Variants in CLEC16A observed in about 807,000 individuals in gnomAD.
CLEC16A encodes C-type lectin domain containing 16A, also known as protein CLEC16A.
CLEC16A carries 51 observed loss-of-function variants against 109.5 expected under a neutral mutation model. That is an observed-to-expected ratio of 0.47 (90% CI 0.37 to 0.59). CLEC16A has a LOEUF of 0.59. Ranked by LOEUF, CLEC16A falls within the 20% of genes least tolerant of loss-of-function variation. The probability of loss-of-function intolerance (pLI) is 0.00; values close to 1 mark genes in which losing one functional copy is unlikely to be tolerated. For missense variants in CLEC16A, 1,339 were observed against 1,394.0 expected (o/e 0.96, Z 0.63); for synonymous variants, 673 against 564.2 (o/e 1.19, Z -2.73).
chr16:11,128,304 T>A (rs574015181), intron 22 of CLEC16A, among the ~76,000 whole-genome samples: 8 of 152,396 alleles, frequency 5.2e-5, no homozygotes, highest in African/African-American at 1.9e-4. Context: ...TCTTCTACCC[T>A]GCCTGGCCTT....
At chr16:10,989,695 G>A (rs2043884211) in intron 10 of CLEC16A, among the ~76,000 whole-genome samples, 1 of 152,186 alleles carries the variant, frequency 6.6e-6, no homozygotes, top group Non-Finnish European at 1.5e-5. Flanking sequence ...ATGGTTTCCA[G>A]ATGAATCTCT....
intron 22 of CLEC16A, among the ~76,000 whole-genome samples, chr16:11,164,683 C>G (rs547156779): frequency 1.8e-4 from 27 of 152,350 alleles, no homozygotes; most frequent in Admixed American, 8.5e-4. Context: ...ATGGCAACTG[C>G]TCAACTCTGC....
At chr16:11,172,475 C>G (rs1334800915) in intron 23 of CLEC16A, among the ~76,000 whole-genome samples, 1 of 152,190 alleles carries the variant, frequency 6.6e-6, no homozygotes, top group Non-Finnish European at 1.5e-5. Context: ...AGTGAACTAC[C>G]TTGGGGAAGA....
intron 18 of CLEC16A, among the ~76,000 whole-genome samples, chr16:11,054,949 T>A (rs573842736): frequency 8.2e-6 from 1 of 122,246 alleles, no homozygotes; most frequent in South Asian, 2.6e-4. Flanking sequence ...TTTTTTTTTT[T>A]CCACCAAGTA....
chr16:11,089,511 G>C (rs2050189125), intron 19 of CLEC16A, among the ~76,000 whole-genome samples: 1 of 152,146 alleles, frequency 6.6e-6, no homozygotes, highest in African/African-American at 2.4e-5. Flanking sequence ...TGCTCAAATT[G>C]CCCTCCATAA....
chr16:10,985,218 A>ATATATATATAT (rs58768192), intron 10 of CLEC16A, among the ~76,000 whole-genome samples: 40 of 124,204 alleles, frequency 3.2e-4, no homozygotes, highest in East Asian at 2.9e-3. Context: ...AAAAAAAAAA[A>ATATATATATAT]AAATATATAT....
intron 22 of CLEC16A, among the ~76,000 whole-genome samples, chr16:11,153,173 C>T (rs562515898): frequency 8.6e-4 from 131 of 152,228 alleles, no homozygotes; most frequent in Non-Finnish European, 1.6e-3. Flanking sequence ...TACTGCCCTC[C>T]GCCTGCTTCC....
intron 22 of CLEC16A, among the ~76,000 whole-genome samples, chr16:11,162,778 C>T (rs1276677135): frequency 6.6e-6 from 1 of 152,206 alleles, no homozygotes; most frequent in African/African-American, 2.4e-5. Context: ...AGTTCTTGGA[C>T]TTATCAGCTG....
intron 19 of CLEC16A, among the ~76,000 whole-genome samples, chr16:11,070,095 G>A (rs1248947177): frequency 6.6e-6 from 1 of 150,774 alleles, no homozygotes; most frequent in Non-Finnish European, 1.5e-5. Flanking sequence ...TTTTGAGACG[G>A]AGTCTCACCC....
intron 13 of CLEC16A, among the ~76,000 whole-genome samples, chr16:11,035,054 G>T (rs1241719854): frequency 2.0e-5 from 3 of 152,142 alleles, no homozygotes; most frequent in African/African-American, 7.2e-5. Flanking sequence ...GTTGTTTCAG[G>T]CAGGAGGCTT....
chr16:11,129,762 C>CT (rs34035128), intron 22 of CLEC16A, among the ~76,000 whole-genome samples: 5,452 of 125,502 alleles, frequency 0.043, 388 homozygotes, highest in African/African-American at 0.16. Flanking sequence ...GGCCTGGTTC[C>CT]TTTTTTTTTT....
intron 10 of CLEC16A, among the ~76,000 whole-genome samples, chr16:11,002,542 G>T (rs1475347371): frequency 1.3e-5 from 2 of 152,132 alleles, no homozygotes; most frequent in African/African-American, 4.8e-5. Context: ...TGGCAGTGTT[G>T]CCACATTGAT....
intron 9 of CLEC16A, among the ~76,000 whole-genome samples, chr16:10,980,354 C>T (rs186373496): frequency 2.0e-5 from 3 of 152,172 alleles, no homozygotes; most frequent in East Asian, 3.9e-4. Context: ...TGTACGACGG[C>T]GCTGAGCATA....
intron 11 of CLEC16A, among the ~76,000 whole-genome samples, chr16:11,018,304 A>C (rs1477984868): frequency 6.6e-6 from 1 of 151,800 alleles, no homozygotes; most frequent in Non-Finnish European, 1.5e-5. Flanking sequence ...AAAAAAAAAA[A>C]ACAGGTGAAG....
chr16:11,002,853 ATCT>A (rs2044750217), intron 10 of CLEC16A, among the ~76,000 whole-genome samples: 1 of 152,042 alleles, frequency 6.6e-6, no homozygotes. Flanking sequence ...TATACATGTC[ATCT>A]TCTTTATCTA....
In CLEC16A at chr16:11,178,772, G is replaced by C; in HGVS notation, c.*82G>C. 3 of 1,109,838 alleles carry C rather than the reference G, an allele frequency of 2.7e-6. No homozygotes were observed. Among genetic ancestry groups the C allele is most frequent in the Non-Finnish European group, 3.7e-6 (3 of 803,266 alleles). The allele number at this position is 1,109,838 out of a possible 1,614,324, so 68.7% of individuals were successfully genotyped here. A position where few individuals can be genotyped will look rare whatever the true frequency, so the allele number is the denominator to read the frequency against. On this transcript the variant is annotated 3_prime_UTR_variant, in exon 24 of 24. Transcript: ENST00000409790. The surrounding 1 kb of genome is among the most constrained non-coding windows in gnomAD (Gnocchi z 6.5). ...CGCTGACTGGCAAGACACACTGGGA[G>C]CACCCACCATTCTGTGCGGCCCCCA...
intron 22 of CLEC16A, among the ~76,000 whole-genome samples, chr16:11,163,023 C>T (rs1043607536): frequency 2.0e-5 from 3 of 152,218 alleles, no homozygotes; most frequent in Admixed American, 6.5e-5. Context: ...TTTGCCTTCA[C>T]TCCTGTCGCA....
intron 19 of CLEC16A, among the ~76,000 whole-genome samples, chr16:11,065,347 G>T (rs1312514429): frequency 6.6e-6 from 1 of 152,204 alleles, no homozygotes; most frequent in African/African-American, 2.4e-5. Context: ...GTTCATGTGG[G>T]CACCTAACAT....
intron 23 of CLEC16A, among the ~76,000 whole-genome samples, chr16:11,173,891 G>A (rs1217990193): frequency 2.0e-5 from 3 of 152,106 alleles, no homozygotes; most frequent in African/African-American, 7.2e-5. Context: ...CCCCTAACCC[G>A]GTTAAGTTGC....
Sources: gnomAD v4.1 joint callset for allele counts (sites outside exome capture counted in the v4.1 genomes callset) on GRCh38, gnomAD v4.1.1 for gene constraint, Gnocchi (gnomAD v3.1) non-coding constraint, MANE v1.5 for transcripts, NCBI Gene and HGNC (gene_info 2026-07-23, HGNC 2026-07-21) for gene names.